Variants in TC2N observed in about 807,000 individuals in gnomAD.
The protein encoded by TC2N is tandem C2 domains nuclear protein.
Under a neutral mutation model 61.9 loss-of-function variants are expected in TC2N, and 51 were observed. The observed-to-expected ratio is 0.82, with a 90% CI of 0.66 to 1.04. The LOEUF is 1.04. TC2N is among the 50% of genes least tolerant of loss of function. The probability of loss-of-function intolerance (pLI) is 0.00; values close to 1 mark genes in which losing one functional copy is unlikely to be tolerated. For missense variants in TC2N, 556 were observed against 566.7 expected, an observed-to-expected ratio of 0.98 and a Z score of 0.19; for synonymous variants, 204 against 192.6, an observed-to-expected ratio of 1.06 and a Z score of -0.49.
At chr14:91,818,825 C>G (rs116011891) in intron 1 of TC2N, among the ~76,000 whole-genome samples, 4,538 of 152,018 alleles carry the variant, frequency 0.03, 227 homozygotes, top group African/African-American at 0.1. Flanking sequence ...GATAAACTAA[C>G]TAAAATGAGA....
chr14:91,808,843 A>C (rs1309204310), intron 3 of TC2N, among the ~76,000 whole-genome samples: 1 of 152,216 alleles, frequency 6.6e-6, no homozygotes, highest in Non-Finnish European at 1.5e-5. Flanking sequence ...TTCATTAAAA[A>C]AATTACAGTA....
intron 1 of TC2N, among the ~76,000 whole-genome samples, chr14:91,862,468 G>A (rs575099626): frequency 3.3e-5 from 5 of 152,232 alleles, no homozygotes; most frequent in South Asian, 4.2e-4. Context: ...CACCTCAGCC[G>A]TCAACAGGTT....
chr14:91,835,128 CAA>C (rs1887946784), intron 1 of TC2N, among the ~76,000 whole-genome samples: 1 of 152,148 alleles, frequency 6.6e-6, no homozygotes, highest in South Asian at 2.1e-4. Flanking sequence ...CAATAAAATA[CAA>C]GATATACTTA....
At chr14:91,859,570 A>G (rs1275249402) in intron 1 of TC2N, among the ~76,000 whole-genome samples, 1 of 152,226 alleles carries the variant, frequency 6.6e-6, no homozygotes, top group Non-Finnish European at 1.5e-5. Flanking sequence ...GTAAGTCTAC[A>G]TTATGAACAA....
At chr14:91,838,775 C>T (rs1194828821) in intron 1 of TC2N, among the ~76,000 whole-genome samples, 2 of 152,202 alleles carry the variant, frequency 1.3e-5, no homozygotes, top group Non-Finnish European at 2.9e-5. Flanking sequence ...CTAGAAGAAT[C>T]CTCTCTATTG....
intron 1 of TC2N, among the ~76,000 whole-genome samples, chr14:91,842,712 T>C (rs982915739): frequency 1.3e-5 from 2 of 151,608 alleles, no homozygotes; most frequent in African/African-American, 4.9e-5. Context: ...ATTAGGAGAG[T>C]TGGGAGGAAT....
chr14:91,845,800 T>C (rs1279266941), intron 1 of TC2N, among the ~76,000 whole-genome samples: 1 of 152,138 alleles, frequency 6.6e-6, no homozygotes, highest in Non-Finnish European at 1.5e-5. Flanking sequence ...GAGTCACCAG[T>C]CTCTCAAAGC....
chr14:91,799,680 T>C (rs1238347311), intron 5 of TC2N, among the ~76,000 whole-genome samples: 1 of 152,124 alleles, frequency 6.6e-6, no homozygotes, highest in East Asian at 1.9e-4. Flanking sequence ...AAAATATATG[T>C]ACATATATTC....
chr14:91,835,362 G>A lies in TC2N; in HGVS notation c.-56-21537C>T, dbSNP rs572102303. ...ACATCAAAATATGAAACTGGTAAAT[G>A]GATTTTGTTGTTGTTGCTAATTCTC... On this transcript the variant is annotated intron_variant, in intron 1 of 11. Transcript: ENST00000435962. Among the ~76,000 whole-genome samples the A allele has an allele frequency of 6.7e-4, 102 of 152,154 alleles. 2 individuals carry two copies. Among genetic ancestry groups the A allele is most frequent in the Non-Finnish European group, 2.4e-4 (16 of 68,030 alleles).
At chr14:91,834,184 G>C (rs955328753) in intron 1 of TC2N, among the ~76,000 whole-genome samples, 4 of 152,178 alleles carry the variant, frequency 2.6e-5, no homozygotes, top group Non-Finnish European at 5.9e-5. Context: ...AGGTAAAATA[G>C]AGTCCAACAC....
rs1468749029 is a variant in TC2N at position 91,861,560 on chromosome 14, GAA to G, written c.-57+5700_-57+5701del. Among the ~76,000 whole-genome samples the G allele has an allele frequency of 2.0e-5, 3 of 152,220 alleles. No individual in the cohort carries two copies. In the East Asian group the frequency reaches 5.8e-4, roughly 29 times the overall value. On this transcript the variant is annotated intron_variant, in intron 1 of 11. Coordinates refer to ENST00000435962, the MANE Select transcript of TC2N (RefSeq NM_001128596.3). ...AGTGCAGAGAAAGAAAGAAGAGAGA[GAA>G]GAGAGGCAGGGGAAGAAACAAGAGG...
intron 1 of TC2N, among the ~76,000 whole-genome samples, chr14:91,859,401 C>A (rs1471144561): frequency 1.3e-5 from 2 of 152,148 alleles, no homozygotes; most frequent in Admixed American, 1.3e-4. Flanking sequence ...TGTGCCTTGG[C>A]TCCCTAAGCC....
chr14:91,799,099 A>G (rs748447055), intron 5 of TC2N, 35 bp from the exon 6 acceptor site: 1 of 1,392,024 alleles, frequency 7.2e-7, no homozygotes, highest in East Asian at 2.4e-5. Flanking sequence ...CAGAAATTGC[A>G]TATGAAACCT....
chr14:91,800,953 TAC>T (rs1006690182), intron 4 of TC2N, among the ~76,000 whole-genome samples: 21 of 151,366 alleles, frequency 1.4e-4, no homozygotes, highest in East Asian at 5.8e-4. Context: ...TATATATATA[TAC>T]ACACACACAT....
At chr14:91,850,930 T>C (rs1888362928) in intron 1 of TC2N, among the ~76,000 whole-genome samples, 1 of 151,934 alleles carries the variant, frequency 6.6e-6, no homozygotes, top group African/African-American at 2.4e-5. Context: ...GACTCCATCT[T>C]GGAAAAAAAA....
chr14:91,794,934 A>G (rs1180133210), intron 8 of TC2N, among the ~76,000 whole-genome samples: 1 of 152,182 alleles, frequency 6.6e-6, no homozygotes, highest in Non-Finnish European at 1.5e-5. Flanking sequence ...AGGATTTTAG[A>G]TGCCATTAAG....
chr14:91,787,437 G>A, intron 10 of TC2N, 76 bp downstream of exon 10: 2 of 774,010 alleles, frequency 2.6e-6, no homozygotes, highest in Non-Finnish European at 4.1e-6. Context: ...AATCTCCATT[G>A]TAAGAAATGT....
At chr14:91,855,629 G>C (rs1888468203) in intron 1 of TC2N, among the ~76,000 whole-genome samples, 2 of 152,134 alleles carry the variant, frequency 1.3e-5, no homozygotes, top group South Asian at 4.1e-4. Flanking sequence ...TCCAAATGAG[G>C]TCACGTTCTG....
At chr14:91,796,163 T>G (rs891654336) in intron 8 of TC2N, among the ~76,000 whole-genome samples, 4 of 151,994 alleles carry the variant, frequency 2.6e-5, no homozygotes, top group Non-Finnish European at 5.9e-5. Context: ...TCTATGAGTG[T>G]CAAGGTTATA....
Sources: gnomAD v4.1 joint callset for allele counts (sites outside exome capture counted in the v4.1 genomes callset) on GRCh38, gnomAD v4.1.1 for gene constraint, MANE v1.5 for transcripts, NCBI Gene and HGNC (gene_info 2026-07-23, HGNC 2026-07-21) for gene names.